DPP6: variants seen among roughly 807,000 people sequenced by gnomAD.
DPP6 encodes the protein dipeptidyl peptidase like 6, also known as A-type potassium channel modulatory protein DPP6.
In DPP6, 69 loss-of-function variants were observed where a neutral mutation model predicts 122.6. The observed-to-expected ratio is 0.56, with a 90% CI of 0.46 to 0.69. DPP6 has a LOEUF of 0.69. Ranked by LOEUF, DPP6 falls within the 30% of genes least tolerant of loss-of-function variation. DPP6 has a pLI of 0.00. For missense variants in DPP6, 928 were observed against 1,116.9 expected (o/e 0.83, Z 2.41); for synonymous variants, 418 against 433.1 (o/e 0.97, Z 0.43).
rs930035624 is a variant in DPP6, at chr7:154,833,796, T to C, written c.1667-19984T>C. 2.0e-5 allele frequency among the ~76,000 whole-genome samples: 3 copies of C among 152,170 alleles called. No homozygotes were observed. The highest frequency in any genetic ancestry group is 2.4e-5 in the African/African-American group (1 of 41,448). On this transcript the variant is annotated intron_variant, in intron 16 of 25. Coordinates refer to ENST00000377770, the MANE Select transcript of DPP6 (RefSeq NM_130797.4). This position sits in a 1 kb window ranked among gnomAD's most constrained non-coding sequence, Gnocchi z 4.3. ...ACACTAAAATGACCAAAGATTCTCA[T>C]AGACAAAGGAAATTTAAGGACAAAG...
chr7:154,752,953 T>C (rs1254042439), intron 8 of DPP6, among the ~76,000 whole-genome samples: 2 of 152,138 alleles, frequency 1.3e-5, no homozygotes, highest in Admixed American at 6.5e-5. Context: ...GCACCTGCTG[T>C]GTGCCATGCC....
chr7:154,133,560 A>T (rs1795395589), intron 1 of DPP6, among the ~76,000 whole-genome samples: 3 of 152,180 alleles, frequency 2.0e-5, no homozygotes, highest in Non-Finnish European at 2.9e-5. Flanking sequence ...TGCTGGGAGA[A>T]TACAGGAAAG....
rs561594251 is a variant in DPP6, at chr7:153,929,017, AC to A, written c.51+41285del. ...AGAGCGCGGAGGGCCAGACCCTGGC[AC>A]CTTACAGCATCCTACATACTTGGGC... is the stretch of plus-strand genomic sequence containing the variant. On this transcript the variant is annotated intron_variant, in intron 1 of 25. Transcript: ENST00000404039. 2.1e-4 allele frequency among the ~76,000 whole-genome samples: 32 copies of A among 152,252 alleles called. No individual in the cohort carries two copies. The South Asian group carries it at 6.4e-3, about 31-fold the overall frequency.
At chr7:154,532,604 A>T (rs2130134517) in intron 3 of DPP6, among the ~76,000 whole-genome samples, 1 of 152,236 alleles carries the variant, frequency 6.6e-6, no homozygotes, top group African/African-American at 2.4e-5. Flanking sequence ...AGAAAAAAAG[A>T]AGACACAAAT....
chr7:154,204,530 C>T (rs568353709), intron 1 of DPP6, among the ~76,000 whole-genome samples: 1 of 152,294 alleles, frequency 6.6e-6, no homozygotes, highest in South Asian at 2.1e-4. Context: ...TTATCATCAT[C>T]GGCCTCCTCT....
chr7:154,863,469 C>T lies in DPP6; in HGVS notation c.1715-4526C>T, dbSNP rs1803595053. On this transcript the variant is annotated intron_variant, in intron 17 of 25. Transcript: ENST00000377770. The surrounding 1 kb of genome is among the most constrained non-coding windows in gnomAD (Gnocchi z 4.1). ...CTCCAGAGCTCAAGCTGTCCTCCCA[C>T]CTCAGCCTCCTGAGTAACTGGGACC... Among the ~76,000 whole-genome samples the T allele has an allele frequency of 6.6e-6, 1 of 151,888 alleles. No homozygotes were observed. Among genetic ancestry groups the T allele is most frequent in the African/African-American group, 2.4e-5 (1 of 41,448 alleles).
chr7:153,786,614 C>G, the DPP6 span, among the ~76,000 whole-genome samples: 1 of 151,704 alleles, frequency 6.6e-6, no homozygotes, highest in East Asian at 2.0e-4. Context: ...TGGCGCGCAC[C>G]TGTAGTCCCA....
In DPP6 at chr7:154,052,952, C is replaced by T. The variant is rs866677381; in HGVS notation, c.132C>T (p.Leu44=). 8.5e-5 allele frequency: 104 copies of T among 1,218,520 alleles called. No individual in the cohort carries two copies. In the African/African-American group the frequency reaches 8.9e-4, roughly 10 times the overall value. 75.5% of individuals were successfully genotyped at this position (1,218,520 alleles called of 1,614,324 possible). The change falls in exon 1 of 26, where the codon CTC becomes CTT. Residue 44 remains leucine (L), a synonymous_variant. Transcript: ENST00000377770. This position sits in a 1 kb window ranked among gnomAD's most constrained non-coding sequence, Gnocchi z 4.8. ...EEDGGAGAKP[L]GPRAQAAAPR... is the part of the protein sequence containing the mutation. ...ACGGCGGCGCAGGAGCCAAGCCCCTCGGCCCGCGGGCGCAGGCGGCGGCGC... is the reference window on the plus strand; with the variant it reads ...ACGGCGGCGCAGGAGCCAAGCCCCTTGGCCCGCGGGCGCAGGCGGCGGCGC...
intron 1 of DPP6, among the ~76,000 whole-genome samples, chr7:154,348,671 A>G (rs1810597451): frequency 6.6e-6 from 1 of 152,220 alleles, no homozygotes. Flanking sequence ...TCTCGGTTGC[A>G]TAATTGGAAG....
intron 7 of DPP6, among the ~76,000 whole-genome samples, chr7:154,681,752 G>T (rs958224191): frequency 6.6e-6 from 1 of 152,190 alleles, no homozygotes; most frequent in Non-Finnish European, 1.5e-5. Flanking sequence ...TCAAAGTAAA[G>T]GTTCCATCTC....
At chr7:153,804,350 C>T in the DPP6 span, among the ~76,000 whole-genome samples, 3 of 152,108 alleles carry the variant, frequency 2.0e-5, no homozygotes, top group Non-Finnish European at 2.9e-5. Flanking sequence ...CAGTGCCCCA[C>T]CCACTAGTAC....
chr7:154,219,601 C>T (rs1378282047), intron 1 of DPP6, among the ~76,000 whole-genome samples: 3 of 151,486 alleles, frequency 2.0e-5, no homozygotes, highest in Non-Finnish European at 2.9e-5. Flanking sequence ...TTCTTTGAGA[C>T]GGAGTCTCCC....
intron 1 of DPP6, among the ~76,000 whole-genome samples, chr7:154,409,289 A>T (rs578038194): frequency 6.6e-6 from 1 of 152,344 alleles, no homozygotes; most frequent in African/African-American, 2.4e-5. Flanking sequence ...ATTAGGACAC[A>T]GCCATGCACA....
At chr7:154,334,228 T>G (rs1255259832) in intron 1 of DPP6, among the ~76,000 whole-genome samples, 1 of 151,086 alleles carries the variant, frequency 6.6e-6, no homozygotes, top group Non-Finnish European at 1.5e-5. Flanking sequence ...CTCTTTTGAG[T>G]GCTAGCTTTT....
In DPP6 at chr7:154,566,866, G is replaced by A. The variant is rs186683462; in HGVS notation, c.577G>A (p.Glu193Lys). 3.7e-6 allele frequency: 6 copies of A among 1,601,432 alleles called. No individual in the cohort carries two copies. The highest frequency in any genetic ancestry group is 1.7e-4 in the Middle Eastern group (1 of 6,030). Residue 193 changes from glutamate (E) to lysine (K), a missense_variant, in exon 5 of 26, where the codon GAA becomes AAA. Coordinates refer to ENST00000377770, the MANE Select transcript of DPP6 (RefSeq NM_130797.4). ...GGAATCATTAAGAGCCATCAGATAT[G>A]AAATATCTCCAGATAGAGAGTATGC... ...KIESLRAIRYEISPDREYALF... is the reference protein window; with the variant it reads ...KIESLRAIRYKISPDREYALF...
At chr7:154,297,372 CAAAAT>C (rs1805611298) in intron 1 of DPP6, among the ~76,000 whole-genome samples, 1 of 152,140 alleles carries the variant, frequency 6.6e-6, no homozygotes, top group Non-Finnish European at 1.5e-5. Context: ...ACTTTATTCA[CAAAAT>C]AAGAAGGGGG....
intron 3 of DPP6, among the ~76,000 whole-genome samples, chr7:154,535,718 T>C (rs1828198358): frequency 6.6e-6 from 1 of 152,104 alleles, no homozygotes; most frequent in Non-Finnish European, 1.5e-5. Flanking sequence ...GACAAAATTT[T>C]TCAAGATAGT....
At chr7:153,866,123 G>A in the DPP6 span, among the ~76,000 whole-genome samples, 1 of 152,160 alleles carries the variant, frequency 6.6e-6, no homozygotes, top group Non-Finnish European at 1.5e-5. Context: ...ACGTGTGCAT[G>A]TGTCTTTATA....
chr7:154,146,913 A>G (rs1172603408), intron 1 of DPP6, among the ~76,000 whole-genome samples: 2 of 152,046 alleles, frequency 1.3e-5, no homozygotes, highest in Non-Finnish European at 2.9e-5. Context: ...TTCATTGCCC[A>G]GTGCGACTGG....
Sources: gnomAD v4.1 joint callset for allele counts (sites outside exome capture counted in the v4.1 genomes callset) on GRCh38, gnomAD v4.1.1 for gene constraint, Gnocchi (gnomAD v3.1) non-coding constraint, MANE v1.5 for transcripts, NCBI Gene and HGNC (gene_info 2026-07-23, HGNC 2026-07-21) for gene names.